Variants in MS4A13 observed in about 807,000 individuals in gnomAD.
MS4A13 encodes membrane spanning 4-domains A13, also known as membrane-spanning 4-domains subfamily A member 13.
In MS4A13, 21 loss-of-function variants were observed where a neutral mutation model predicts 18.4. That is an observed-to-expected ratio of 1.14 (90% CI 0.81 to 1.64). MS4A13 has a LOEUF of 1.64. Among genes scored for constraint, MS4A13 ranks in the 40% most tolerant of loss-of-function variants. The pLI is 0.00. For synonymous variants in MS4A13, 62 were observed against 57.2 expected (o/e 1.08, Z -0.38); for missense variants, 173 against 176.8 (o/e 0.98, Z 0.12).
intron 6 of MS4A13, among the ~76,000 whole-genome samples, chr11:60,531,837 T>C (rs1290344307): frequency 1.3e-5 from 2 of 152,298 alleles, no homozygotes; most frequent in Non-Finnish European, 1.5e-5. Context: ...TCTAATTACC[T>C]TATTATAACT....
chr11:60,524,489 G>C (rs2086699224), intron 4 of MS4A13, among the ~76,000 whole-genome samples: 1 of 152,068 alleles, frequency 6.6e-6, no homozygotes, highest in Non-Finnish European at 1.5e-5. Flanking sequence ...TGAAGATACT[G>C]ATAGATTTCC....
intron 5 of MS4A13, among the ~76,000 whole-genome samples, chr11:60,528,498 C>T (rs2086736418): frequency 6.6e-6 from 1 of 152,142 alleles, no homozygotes; most frequent in South Asian, 2.1e-4. Flanking sequence ...TCATTATAAA[C>T]TCTAAGAAAT....
Position 60,529,405 on chromosome 11 carries a change from A to G in MS4A13, c.347A>G (p.Tyr116Cys), listed in dbSNP as rs2086746833. Residue 116 changes from tyrosine (Y) to cysteine (C), a missense_variant, in exon 6 of 7, where the codon TAC (tyrosine) becomes TGC (cysteine). Coordinates refer to ENST00000378186, the MANE Select transcript of MS4A13 (RefSeq NM_001012417.3). The stretch of plus-strand genomic sequence containing the variant: ...GTATCACGTATTTTACTGTTCTTCT[A>G]CGGTTTGGAATTTTCTATTGCACTT... ...REVSRILLFF[Y>C]GLEFSIALTH... The G allele has an allele frequency of 3.7e-6, 6 of 1,610,042 alleles. No individual in the cohort carries two copies. In the Admixed American group the frequency reaches 6.7e-5, roughly 18 times the overall value.
At chr11:60,538,703 T>C (rs1473996740) in intron 6 of MS4A13, among the ~76,000 whole-genome samples, 2 of 149,978 alleles carry the variant, frequency 1.3e-5, no homozygotes, top group African/African-American at 2.5e-5. Flanking sequence ...ATAATCCCTA[T>C]GACTTTCACT....
intron 6 of MS4A13, among the ~76,000 whole-genome samples, chr11:60,540,765 G>A (rs926256923): frequency 2.6e-5 from 4 of 152,040 alleles, no homozygotes; most frequent in Non-Finnish European, 5.9e-5. Flanking sequence ...TGGGCAACAT[G>A]ACGAGACCTC....
intron 6 of MS4A13, among the ~76,000 whole-genome samples, chr11:60,538,616 A>C (rs543293777): frequency 1.4e-3 from 214 of 151,908 alleles, no homozygotes; most frequent in African/African-American, 4.9e-3. Context: ...CAGTACAGAA[A>C]TTTTTTTCCC....
chr11:60,516,243 C>A (rs776714091), intron 2 of MS4A13, among the ~76,000 whole-genome samples, 159 bp downstream of exon 2: 2 of 150,896 alleles, frequency 1.3e-5, no homozygotes, highest in Admixed American at 6.6e-5. Context: ...TTTGACTGAT[C>A]TCATGTTCCT....
At position 60,523,878 on chromosome 11, in the gene MS4A13, A is replaced by AAT; in HGVS notation, c.130-16_130-15dup. On this transcript the variant is annotated intron_variant, in intron 3 of 6. Transcript: ENST00000378186. ...CAAGCATTATCAATGAGTATTTATA[A>AAT]ATATGTTTTTATATCCAGTTTATCA... 3 of 1,352,874 alleles carry AAT rather than the reference A, an allele frequency of 2.2e-6. No individual in the cohort carries two copies. Among genetic ancestry groups the AAT allele is most frequent in the Non-Finnish European group, 3.2e-6 (3 of 948,162 alleles). The allele number at this position is 1,352,874 out of a possible 1,614,324, so 83.8% of individuals were successfully genotyped here. A position where few individuals can be genotyped will look rare whatever the true frequency, so the allele number is the denominator to read the frequency against.
At chr11:60,524,544 T>A (rs1471755699) in intron 4 of MS4A13, among the ~76,000 whole-genome samples, 2 of 152,206 alleles carry the variant, frequency 1.3e-5, no homozygotes, top group African/African-American at 4.8e-5. Context: ...AACTGACTCC[T>A]ATTTCTACAA....
intron 6 of MS4A13, among the ~76,000 whole-genome samples, chr11:60,539,626 A>T (rs2086840175): frequency 6.6e-6 from 1 of 152,202 alleles, no homozygotes. Context: ...AAGGATCTTC[A>T]AGTAAAATAA....
chr11:60,529,154 T>C (rs942692953), intron 5 of MS4A13, among the ~76,000 whole-genome samples: 5 of 151,986 alleles, frequency 3.3e-5, no homozygotes, highest in Non-Finnish European at 7.4e-5. Context: ...AGATGCTGAA[T>C]TGAGGAACTG....
intron 6 of MS4A13, among the ~76,000 whole-genome samples, chr11:60,535,352 A>T (rs1173404487): frequency 1.3e-5 from 1 of 75,988 alleles, no homozygotes; most frequent in African/African-American, 5.8e-5. Flanking sequence ...ATCACCACCA[A>T]TCCCACAGAA....
chr11:60,519,243 G>T (rs1354020567), intron 3 of MS4A13, among the ~76,000 whole-genome samples: 1 of 152,146 alleles, frequency 6.6e-6, no homozygotes, highest in Admixed American at 6.6e-5. Context: ...CATCAGATGG[G>T]CAGGGGCAAA....
At chr11:60,530,685 T>G (rs1373534133) in intron 6 of MS4A13, among the ~76,000 whole-genome samples, 1 of 152,178 alleles carries the variant, frequency 6.6e-6, no homozygotes, top group Admixed American at 6.5e-5. Flanking sequence ...GTTCCCACTC[T>G]TCCCACCTGA....
intron 6 of MS4A13, among the ~76,000 whole-genome samples, chr11:60,533,384 T>G (rs2086787322): frequency 8.3e-6 from 1 of 120,490 alleles, no homozygotes; most frequent in Non-Finnish European, 1.7e-5. Flanking sequence ...TGCAGAAGCC[T>G]CAGGAGCCGA....
At chr11:60,540,166 T>C (rs2086845298) in intron 6 of MS4A13, among the ~76,000 whole-genome samples, 1 of 152,232 alleles carries the variant, frequency 6.6e-6, no homozygotes, top group African/African-American at 2.4e-5. Flanking sequence ...GTCGTGTTAT[T>C]AGTAACATTA....
At chr11:60,529,255 CTTTT>C (rs10667098) in intron 5 of MS4A13, 106 bp from the exon 6 acceptor site, 448 of 172,036 alleles carry the variant, frequency 2.6e-3, no homozygotes, top group East Asian at 5.8e-3. Context: ...ATTTTCCTTC[CTTTT>C]TTTTTTTTTT....
chr11:60,517,144 A>G (rs921902363), intron 2 of MS4A13, among the ~76,000 whole-genome samples: 11 of 152,062 alleles, frequency 7.2e-5, no homozygotes, highest in African/African-American at 2.4e-4. Context: ...TTCTAAATCT[A>G]TAAAAATGCA....
chr11:60,525,408 G>T, intron 5 of MS4A13, 82 bp downstream of exon 5: 1 of 924,674 alleles, frequency 1.1e-6, no homozygotes, highest in Non-Finnish European at 1.5e-6. Context: ...GGTAAGATGA[G>T]GCTTTTATTC....
Sources: allele counts gnomAD v4.1 joint callset (sites outside exome capture counted in the v4.1 genomes callset), GRCh38; gene constraint gnomAD v4.1.1; transcripts MANE v1.5; gene names NCBI Gene and HGNC (gene_info 2026-07-23, HGNC 2026-07-21).